Variants in GGT5 observed in about 807,000 individuals in gnomAD.
GGT5 encodes glutathione hydrolase 5 proenzyme.
GGT5 carries 50 observed loss-of-function variants against 58.1 expected under a neutral mutation model. The ratio of observed to expected loss-of-function variants is 0.86; its 90% CI spans 0.69 to 1.09. The LOEUF (loss-of-function observed/expected upper bound fraction) is 1.09, where lower values mean the gene tolerates loss of function less well. Ranked by LOEUF, GGT5 falls within the 50% of genes least tolerant of loss-of-function variation. The probability of loss-of-function intolerance (pLI) is 0.00; values close to 1 mark genes in which losing one functional copy is unlikely to be tolerated. For synonymous variants in GGT5, 370 were observed against 346.1 expected (o/e 1.07, Z -0.77); for missense variants, 800 against 789.4 (o/e 1.01, Z -0.16).
intron 1 of GGT5, among the ~76,000 whole-genome samples, chr22:24,238,837 A>ATATATAT (rs1337834454): frequency 6.8e-5 from 1 of 14,774 alleles, no homozygotes; most frequent in African/African-American, 3.9e-4. Flanking sequence ...ATATATTTAT[A>ATATATAT]TATATATATT....
chr22:24,226,942 A>ATTTTTTTTT (rs34544519), intron 6 of GGT5, among the ~76,000 whole-genome samples, 175 bp from the exon 7 acceptor site: 1 of 109,294 alleles, frequency 9.1e-6, no homozygotes. Context: ...TAAGTTAAGG[A>ATTTTTTTTT]TTTTTTTTTT....
intron 8 of GGT5, 130 bp downstream of exon 8, chr22:24,225,946 T>G (rs993388281): frequency 1.5e-6 from 1 of 680,732 alleles, no homozygotes; most frequent in Non-Finnish European, 2.4e-6. Context: ...TCTTTTGAAA[T>G]AGAGGAGGAG....
At chr22:24,231,044 C>A (rs771464982) in intron 6 of GGT5, among the ~76,000 whole-genome samples, 2 of 152,044 alleles carry the variant, frequency 1.3e-5, no homozygotes, top group Admixed American at 1.3e-4. Flanking sequence ...GCTGGCTTCG[C>A]TCCCCCAGGT....
In GGT5 at chr22:24,232,224, A is replaced by T; in HGVS notation, c.597-16T>A. 1 of 941,460 alleles carries T rather than the reference A, an allele frequency of 1.1e-6. No homozygotes were observed. The highest frequency in any genetic ancestry group is 1.5e-6 in the Non-Finnish European group (1 of 645,372). The allele number at this position is 941,460 out of a possible 1,614,324, so 58.3% of individuals were successfully genotyped here. On this transcript the variant is annotated splice_polypyrimidine_tract_variant and intron_variant, in intron 4 of 11. Coordinates refer to ENST00000327365, the MANE Select transcript of GGT5 (RefSeq NM_004121.5). ...GAAGAGCTGGCTGGGGGGTGGGGGG[A>T]GCCTCAGGGTGGGGCCAGGTCCCAG...
chr22:24,226,893 T>C (rs533272898), intron 6 of GGT5, 126 bp from the exon 7 acceptor site: 9 of 701,302 alleles, frequency 1.3e-5, no homozygotes, highest in Non-Finnish European at 2.0e-5. Flanking sequence ...GATATTACCT[T>C]ATACAGCACA....
chr22:24,229,799 T>A (rs1441125900), intron 6 of GGT5, among the ~76,000 whole-genome samples: 1 of 149,306 alleles, frequency 6.7e-6, no homozygotes, highest in East Asian at 2.0e-4. Context: ...TGCAGTGAGC[T>A]AAGATCATGC....
At chr22:24,223,754 C>CTTT (rs898258352) in intron 11 of GGT5, among the ~76,000 whole-genome samples, 135 of 79,456 alleles carry the variant, frequency 1.7e-3, no homozygotes, top group Middle Eastern at 7.8e-3. Context: ...TGCTATCAAT[C>CTTT]TTTTTTTTTT....
At chr22:24,231,956 C>T in intron 5 of GGT5, 95 bp downstream of exon 5, 2 of 1,076,894 alleles carry the variant, frequency 1.9e-6, no homozygotes, top group Non-Finnish European at 2.8e-6. Context: ...TGCACTCCCT[C>T]AGGGCCTGGG....
At position 24,232,925 on chromosome 22, in the gene GGT5, G is replaced by A. The variant is rs2047989632; in HGVS notation, c.494C>T (p.Pro165Leu). The part of the protein sequence containing the change: ...GRLPWAQLFQ[P>L]TIALLRGGHV... ...CCCCCCTCGGAGCAGCGCGATGGTG[G>A]GCTGGAACAGCTGCGCCCAGGGCAG... is the stretch of plus-strand genomic sequence containing the variant. Residue 165 changes from proline (P) to leucine (L), a missense_variant, in exon 4 of 12, where the codon CCC (proline) becomes CTC (leucine). Coordinates refer to ENST00000327365, the MANE Select transcript of GGT5 (RefSeq NM_004121.5). 6.3e-7 allele frequency: 1 copy of A among 1,576,920 alleles called. No homozygotes were observed. The highest frequency in any genetic ancestry group is 8.6e-7 in the Non-Finnish European group (1 of 1,161,316).
At chr22:24,237,611 G>A (rs922568436) in intron 1 of GGT5, among the ~76,000 whole-genome samples, 5 of 151,984 alleles carry the variant, frequency 3.3e-5, no homozygotes, top group African/African-American at 1.2e-4. Flanking sequence ...GTTTCACTGT[G>A]TTGGCCAGGC....
intron 1 of GGT5, among the ~76,000 whole-genome samples, chr22:24,237,628 T>C (rs745483279): frequency 3.3e-5 from 5 of 151,874 alleles, no homozygotes; most frequent in Admixed American, 1.3e-4. Flanking sequence ...AGGCTGGTCT[T>C]GTACTCCTGA....
chr22:24,244,317 C>CCCACA, intron 1 of GGT5: 1 of 340,092 alleles, frequency 2.9e-6, no homozygotes, highest in Non-Finnish European at 5.3e-6. Context: ...ACACACACAC[C>CCCACA]CACCCACACA....
chr22:24,238,798 TA>T (rs578191139), intron 1 of GGT5, among the ~76,000 whole-genome samples: 1,643 of 6,038 alleles, frequency 0.27, 304 homozygotes, highest in African/African-American at 0.52. Context: ...TATATATTTA[TA>T]TATATATAAT....
rs1057062743 is a variant in GGT5, at chr22:24,232,233, G to A, written c.597-25C>T. ...GCTGGGGGGTGGGGGGAGCCTCAGG[G>A]TGGGGCCAGGTCCCAGAGGCAGCCA... On this transcript the variant is annotated intron_variant, in intron 4 of 11. Coordinates refer to ENST00000327365, the MANE Select transcript of GGT5 (RefSeq NM_004121.5). 5.2e-6 allele frequency: 7 copies of A among 1,335,344 alleles called. No homozygotes were observed. In the African/African-American group the frequency reaches 8.9e-5, roughly 17 times the overall value. The allele number at this position is 1,335,344 out of a possible 1,614,324, so 82.7% of individuals were successfully genotyped here.
Position 24,233,038 on chromosome 22 carries a change from T to A in GGT5, c.401-20A>T, listed in dbSNP as rs920293837. On this transcript the variant is annotated intron_variant, in intron 3 of 11. Transcript: ENST00000327365. ...GGGCCCCTGCATGGCACATCCCAGC[T>A]CTCAACCCTGTGGCTTCCAGGCCTT... The A allele has an allele frequency of 3.7e-5, 55 of 1,468,876 alleles. No homozygotes were observed. The highest frequency in any genetic ancestry group is 4.5e-5 in the Non-Finnish European group (50 of 1,102,612). The allele number at this position is 1,468,876 out of a possible 1,614,324, so 91.0% of individuals were successfully genotyped here. A position where few individuals can be genotyped will look rare whatever the true frequency, so the allele number is the denominator to read the frequency against.
chr22:24,221,974 T>C (rs1349135090), intron 11 of GGT5, among the ~76,000 whole-genome samples: 6 of 150,744 alleles, frequency 4.0e-5, no homozygotes, highest in Admixed American at 4.0e-4. Context: ...AGGTCAGGAG[T>C]TTGAGACCAG....
At chr22:24,228,769 A>G (rs2047852501) in intron 6 of GGT5, among the ~76,000 whole-genome samples, 1 of 151,780 alleles carries the variant, frequency 6.6e-6, no homozygotes, top group African/African-American at 2.4e-5. Flanking sequence ...TATATACCAA[A>G]GCTAAGCTAT....
At chr22:24,232,693 T>C (rs2047980440) in intron 4 of GGT5, 130 bp downstream of exon 4, 3 of 564,584 alleles carry the variant, frequency 5.3e-6, no homozygotes, top group East Asian at 6.8e-5. Flanking sequence ...AAGTACTCTT[T>C]GTCCTGGCCA....
intron 1 of GGT5, among the ~76,000 whole-genome samples, chr22:24,237,005 C>T (rs201996706): frequency 7.4e-6 from 1 of 135,288 alleles, no homozygotes; most frequent in South Asian, 2.3e-4. Context: ...TTTCTTTTCT[C>T]TCTTTTTTTT....
Sources: gnomAD v4.1 joint callset for allele counts (sites outside exome capture counted in the v4.1 genomes callset) on GRCh38, gnomAD v4.1.1 for gene constraint, MANE v1.5 for transcripts, NCBI Gene and HGNC (gene_info 2026-07-23, HGNC 2026-07-21) for gene names.